The following ARID2 variants were observed in gnomAD, a reference collection of about 807,000 sequenced individuals.
ARID2 encodes AT-rich interaction domain 2.
ARID2 carries 32 observed loss-of-function variants against 184.6 expected under a neutral mutation model. The observed-to-expected ratio is 0.17, with a 90% CI of 0.13 to 0.23. The LOEUF (loss-of-function observed/expected upper bound fraction) is 0.23. ARID2 is among the 10% of genes least tolerant of loss of function. The probability of loss-of-function intolerance (pLI) is 1.00; values close to 1 mark genes in which losing one functional copy is unlikely to be tolerated. For missense variants in ARID2, 1,696 were observed against 2,197.6 expected (o/e 0.77, Z 4.56); for synonymous variants, 836 against 772.6 (o/e 1.08, Z -1.36).
chr12:45,806,608 G>C (rs536762033), intron 3 of ARID2, among the ~76,000 whole-genome samples: 150 of 152,044 alleles, frequency 9.9e-4, no homozygotes, highest in African/African-American at 3.4e-3. Context: ...GTACATTACC[G>C]ATGTGATCTA....
intron 3 of ARID2, among the ~76,000 whole-genome samples, chr12:45,754,780 G>A (rs1172961579): frequency 2.0e-5 from 3 of 152,278 alleles, no homozygotes; most frequent in South Asian, 4.1e-4. Context: ...TTAGTATTGT[G>A]TATTTTAGTA....
chr12:45,821,088 A>G (rs1942886020), intron 5 of ARID2, among the ~76,000 whole-genome samples: 1 of 152,082 alleles, frequency 6.6e-6, no homozygotes, highest in Non-Finnish European at 1.5e-5. Flanking sequence ...AATAGCAATA[A>G]CCTCAGTTTG....
chr12:45,738,934 C>T (rs1400170415), intron 3 of ARID2, among the ~76,000 whole-genome samples: 1 of 151,744 alleles, frequency 6.6e-6, no homozygotes, highest in Admixed American at 6.6e-5. Flanking sequence ...ATTCCCTTCC[C>T]TGCTGATAGA....
rs368825211 is a variant in ARID2, at chr12:45,899,694, G to GTT, written c.5364-5239_5364-5238dup. Among the ~76,000 whole-genome samples, 89 of 98,598 alleles carry GTT rather than the reference G, an allele frequency of 9.0e-4. 1 individual carries two copies. Among genetic ancestry groups the GTT allele is most frequent in the African/African-American group, 1.8e-3 (40 of 22,788 alleles). 64.7% of individuals were successfully genotyped at this position (98,598 alleles called of 152,430 possible). ...GGTTATATATGGTTATATATATATG[G>GTT]TTATATATATATATGGTTATATATA... On this transcript the variant is annotated intron_variant, in intron 20 of 20. Transcript: ENST00000334344.
rs2138082667 is a variant in ARID2 at position 45,811,479 on chromosome 12, G to C, written c.346G>C (p.Gly116Arg). 5.6e-6 allele frequency: 9 copies of C among 1,613,720 alleles called. No individual in the cohort carries two copies. Among genetic ancestry groups the C allele is most frequent in the Non-Finnish European group, 7.6e-6 (9 of 1,179,732 alleles). Residue 116 changes from glycine (G) to arginine (R), a missense_variant, in exon 4 of 21, where the codon GGC becomes CGC. By Grantham distance (125) the Gly-to-Arg change is moderately radical. Coordinates refer to ENST00000334344, the MANE Select transcript of ARID2 (RefSeq NM_152641.4). The stretch of plus-strand genomic sequence containing the variant: ...GGAGGATGATGATGAGGTACCACCA[G>C]GCAATCCAAAGCCACAGCTTCCTAT... ...FGEDDDEVPP[G>R]NPKPQLPIGA...
At chr12:45,852,927 T>G in intron 15 of ARID2, 31 bp downstream of exon 15, 1 of 1,508,594 alleles carries the variant, frequency 6.6e-7, no homozygotes. Context: ...ATTTCTCTTA[T>G]GAAATTTCTG....
At chr12:45,740,182 A>G (rs1941221936) in intron 3 of ARID2, among the ~76,000 whole-genome samples, 1 of 152,178 alleles carries the variant, frequency 6.6e-6, no homozygotes, top group Non-Finnish European at 1.5e-5. Context: ...TCATATTGCA[A>G]TGTAGTAATT....
chr12:45,851,626 C>T lies in ARID2; in HGVS notation c.3503C>T (p.Ser1168Phe), dbSNP rs2138172461. 1.2e-6 allele frequency: 2 copies of T among 1,614,196 alleles called. No individual in the cohort carries two copies. The highest frequency in any genetic ancestry group is 1.7e-6 in the Non-Finnish European group (2 of 1,180,006). The change falls in exon 15 of 21, where the codon TCT (serine) becomes TTT (phenylalanine). Residue 1168 changes from serine to phenylalanine, a missense_variant. Ser to Phe is a radical substitution (Grantham distance 155). This residue lies in a region of ARID2 where 12 missense variants were observed against 28.6 expected (regional missense o/e 0.42). Coordinates refer to ENST00000334344, the MANE Select transcript of ARID2 (RefSeq NM_152641.4). ...CCAGCAACCATTTTCCAAGGGACTT[C>T]TGGCAACCAGGTAACCATAACAGTT... ...NSPATIFQGT[S>F]GNQVTITVVP...
intron 18 of ARID2, among the ~76,000 whole-genome samples, chr12:45,892,513 C>G (rs778308350): frequency 1.3e-5 from 2 of 151,950 alleles, no homozygotes; most frequent in Non-Finnish European, 2.9e-5. Context: ...TATAAACATA[C>G]ACTAGTTTAC....
At chr12:45,899,671 T>TTATATATGGTTATA (rs1456469777) in intron 20 of ARID2, among the ~76,000 whole-genome samples, 3 of 45,126 alleles carry the variant, frequency 6.6e-5, no homozygotes, top group Non-Finnish European at 1.6e-4. Flanking sequence ...ATATATATGG[T>TTATATATGGTTATA]TATATATGGT....
intron 6 of ARID2, among the ~76,000 whole-genome samples, chr12:45,836,186 T>C (rs962947501): frequency 2.0e-5 from 3 of 152,212 alleles, no homozygotes; most frequent in Admixed American, 6.5e-5. Context: ...TATTTTCATA[T>C]TGTGTGACTA....
intron 3 of ARID2, among the ~76,000 whole-genome samples, chr12:45,770,631 G>A (rs548911729): frequency 6.6e-6 from 1 of 152,202 alleles, no homozygotes; most frequent in Non-Finnish European, 1.5e-5. Flanking sequence ...GAGAGGACAC[G>A]GAAGTGGTCC....
intron 16 of ARID2, among the ~76,000 whole-genome samples, chr12:45,884,174 A>G (rs913367158): frequency 8.5e-5 from 13 of 152,150 alleles, no homozygotes; most frequent in African/African-American, 2.9e-4. Context: ...AGGTGTGCAG[A>G]TTGCTTGAGG....
chr12:45,792,758 A>G (rs1857924812), intron 3 of ARID2, among the ~76,000 whole-genome samples: 1 of 152,126 alleles, frequency 6.6e-6, no homozygotes, highest in South Asian at 2.1e-4. Context: ...AATGTTTTTT[A>G]AAATGAGTTA....
intron 3 of ARID2, among the ~76,000 whole-genome samples, chr12:45,765,720 A>G (rs560734629): frequency 6.6e-6 from 1 of 152,270 alleles, no homozygotes; most frequent in African/African-American, 2.4e-5. Context: ...TGAATTGTAT[A>G]AAGTATACAA....
At chr12:45,775,548 G>A (rs944733939) in intron 3 of ARID2, among the ~76,000 whole-genome samples, 8 of 152,066 alleles carry the variant, frequency 5.3e-5, no homozygotes, top group African/African-American at 1.7e-4. Flanking sequence ...AATTTGATGC[G>A]TTACTAGTTT....
At chr12:45,881,930 C>A in intron 16 of ARID2, 1 of 187,328 alleles carries the variant, frequency 5.3e-6, no homozygotes, top group South Asian at 1.0e-4. Flanking sequence ...TGCCAGAGGT[C>A]ACTTCTTTTT....
chr12:45,867,341 T>C (rs1216265516), intron 16 of ARID2, among the ~76,000 whole-genome samples: 1 of 152,012 alleles, frequency 6.6e-6, no homozygotes, highest in East Asian at 1.9e-4. Flanking sequence ...TAACCTCAAC[T>C]TCCTGAGCTC....
chr12:45,884,276 A>G (rs1944148681), intron 16 of ARID2, among the ~76,000 whole-genome samples: 1 of 152,090 alleles, frequency 6.6e-6, no homozygotes, highest in South Asian at 2.1e-4. Context: ...GGTGCCTGTA[A>G]TCTCAGCTAC....
Sources: allele counts gnomAD v4.1 joint callset (sites outside exome capture counted in the v4.1 genomes callset), GRCh38; gene constraint gnomAD v4.1.1; regional missense constraint gnomAD v4.1.1; transcripts MANE v1.5; gene names NCBI Gene and HGNC (gene_info 2026-07-23, HGNC 2026-07-21).